The following RAPH1 variants were observed in gnomAD, a reference collection of about 807,000 sequenced individuals.
The protein encoded by RAPH1 is ras-associated and pleckstrin homology domains-containing protein 1.
RAPH1 carries 18 observed loss-of-function variants against 88.1 expected under a neutral mutation model. That is an observed-to-expected ratio of 0.20 (90% CI 0.14 to 0.30). The LOEUF is 0.30. Among genes scored for constraint, RAPH1 ranks in the 10% least tolerant of loss-of-function variants. RAPH1 has a pLI of 1.00. For synonymous variants in RAPH1, 587 were observed against 559.0 expected, an observed-to-expected ratio of 1.05 and a Z score of -0.71; for missense variants, 1,448 against 1,543.2, an observed-to-expected ratio of 0.94 and a Z score of 1.03.
chr2:203,476,964 T>C, intron 4 of RAPH1: 1 of 746,492 alleles, frequency 1.3e-6, no homozygotes. Flanking sequence ...TTAAGTTTGG[T>C]TTAATTTTTA....
chr2:203,494,457 T>C (rs1195940694), intron 2 of RAPH1, among the ~76,000 whole-genome samples: 2 of 152,042 alleles, frequency 1.3e-5, no homozygotes, highest in Admixed American at 1.3e-4. Context: ...TTTGCCACTG[T>C]TTTAAAATGC....
chr2:203,471,841 T>C (rs1365049720), intron 4 of RAPH1, among the ~76,000 whole-genome samples: 3 of 148,222 alleles, frequency 2.0e-5, no homozygotes, highest in Admixed American at 2.0e-4. Context: ...AAACCTAAGG[T>C]CCAATTTTTT....
rs1224367959 is a variant in RAPH1, at chr2:203,439,968, T to G, written c.3222A>C (p.Pro1074=). The change falls in exon 14 of 14, where the codon CCA becomes CCC. Residue 1074 remains proline (P), a synonymous_variant. Transcript: ENST00000319170. Reference sequence around the variant, plus strand: ...GAAGCTCTGTTTCAGGTGGAGGGGGTGGAAAATCAGAATCGGATGGAGGAG... The same window carrying G: ...GAAGCTCTGTTTCAGGTGGAGGGGGGGGAAAATCAGAATCGGATGGAGGAG... ...FPSPPSDSDF[P]PPPPETELPL... 1 of 1,612,228 alleles carries G rather than the reference T, an allele frequency of 6.2e-7. No individual in the cohort carries two copies. The highest frequency in any genetic ancestry group is 8.5e-7 in the Non-Finnish European group (1 of 1,179,594).
chr2:203,440,919 C>T lies in RAPH1; in HGVS notation c.2271G>A (p.Gln757=). ...GTGGGGGGGGTGTTGGGGGAGCCAC[C>T]TGAGTAATATGCTGAACTTGATGGA... is the stretch of plus-strand genomic sequence containing the variant. ...LKIHQVQHIT[Q]VAPPTPPPPP... Residue 757 remains glutamine, a synonymous_variant, in exon 14 of 14, where the codon CAG becomes CAA. Coordinates refer to ENST00000319170, the MANE Select transcript of RAPH1 (RefSeq NM_213589.3). 1 of 1,546,668 alleles carries T rather than the reference C, an allele frequency of 6.5e-7. No homozygotes were observed. Among genetic ancestry groups the T allele is most frequent in the Non-Finnish European group, 8.7e-7 (1 of 1,145,294 alleles).
intron 13 of RAPH1, chr2:203,441,744 G>A: frequency 3.1e-6 from 4 of 1,284,592 alleles, no homozygotes; most frequent in East Asian, 3.4e-5. Flanking sequence ...CTTTGACACA[G>A]CCTGCCCTAC....
chr2:203,533,948 G>A (rs1256673743), intron 1 of RAPH1, among the ~76,000 whole-genome samples: 2 of 152,130 alleles, frequency 1.3e-5, no homozygotes, highest in Non-Finnish European at 2.9e-5. Flanking sequence ...CACATTGCAA[G>A]CCAATTCCAG....
At chr2:203,482,237 G>GT (rs1214307002) in intron 4 of RAPH1, among the ~76,000 whole-genome samples, 1 of 152,056 alleles carries the variant, frequency 6.6e-6, no homozygotes, top group East Asian at 1.9e-4. Context: ...CCAGGCTGGA[G>GT]TACAGTGGCA....
intron 1 of RAPH1, among the ~76,000 whole-genome samples, chr2:203,514,033 G>C (rs952942794): frequency 1.3e-5 from 2 of 152,064 alleles, no homozygotes; most frequent in Non-Finnish European, 2.9e-5. Flanking sequence ...AATAGAGACA[G>C]GGTTTCATCA....
In RAPH1 at chr2:203,439,268, CTGTACAGCTGTGTGTACATGCACG is replaced by C; in HGVS notation, c.*145_*168del. 6.6e-6 allele frequency: 4 copies of C among 607,668 alleles called. No individual in the cohort carries two copies. Among genetic ancestry groups the C allele is most frequent in the Non-Finnish European group, 1.2e-5 (4 of 342,498 alleles). The allele number at this position is 607,668 out of a possible 1,614,324, so 37.6% of individuals were successfully genotyped here. A position where few individuals can be genotyped will look rare whatever the true frequency, so the allele number is the denominator to read the frequency against. ...ATATATGTATACATATATACACACACTGTACAGCTGTGTGTACATGCACGTGTACACACACACATACACATATAG... is the reference window on the plus strand; with the variant it reads ...ATATATGTATACATATATACACACACTGTACACACACACATACACATATAG... On this transcript the variant is annotated 3_prime_UTR_variant, in exon 14 of 14. Coordinates refer to ENST00000319170, the MANE Select transcript of RAPH1 (RefSeq NM_213589.3).
chr2:203,507,598 G>A (rs2105910993), intron 1 of RAPH1, among the ~76,000 whole-genome samples: 1 of 152,226 alleles, frequency 6.6e-6, no homozygotes, highest in Non-Finnish European at 1.5e-5. Context: ...AAAAAATGCA[G>A]TACCTGAATC....
chr2:203,472,102 T>G (rs1384677580), intron 4 of RAPH1, among the ~76,000 whole-genome samples: 1 of 151,130 alleles, frequency 6.6e-6, no homozygotes, highest in East Asian at 1.9e-4. Context: ...TTTGTAAGAG[T>G]AGCCATTCTT....
chr2:203,439,313 T>C lies in RAPH1; in HGVS notation c.*124A>G, dbSNP rs754313535. The C allele has an allele frequency of 1.7e-5, 14 of 836,394 alleles. No individual in the cohort carries two copies. The African/African-American group carries it at 1.7e-4, about 10-fold the overall frequency. The allele number at this position is 836,394 out of a possible 1,614,324, so 51.8% of individuals were successfully genotyped here. A position where few individuals can be genotyped will look rare whatever the true frequency, so the allele number is the denominator to read the frequency against. ...GCACGTGTACACACACACATACACA[T>C]ATAGCTGGACACTACCTGAATAACA... On this transcript the variant is annotated 3_prime_UTR_variant, in exon 14 of 14. Transcript: ENST00000319170.
At position 203,436,217 on chromosome 2, in the gene RAPH1, G is replaced by A. The variant is rs897721228; in HGVS notation, c.*3220C>T. The A allele has an allele frequency of 2.0e-5, 3 of 152,142 alleles. No homozygotes were observed. Among genetic ancestry groups the A allele is most frequent in the African/African-American group, 7.2e-5 (3 of 41,428 alleles). The allele number at this position is 152,142 out of a possible 1,614,324, so 9.4% of individuals were successfully genotyped here. A position where few individuals can be genotyped will look rare whatever the true frequency, so the allele number is the denominator to read the frequency against. On this transcript the variant is annotated 3_prime_UTR_variant, in exon 14 of 14. Coordinates refer to ENST00000319170, the MANE Select transcript of RAPH1 (RefSeq NM_213589.3). ...GGGTGGGAGCACCTAGATTTTAGAGGACTATAAAACGCCATGTTTACTTTG... is the reference window on the plus strand; with the variant it reads ...GGGTGGGAGCACCTAGATTTTAGAGAACTATAAAACGCCATGTTTACTTTG...
chr2:203,439,834 G>A lies in RAPH1; in HGVS notation c.3356C>T (p.Ala1119Val), dbSNP rs746453126. ...CCGTTTGGGTCGTGTGGGTGGAGGG[G>A]CCTTCTTCACTGACATTTTAGACCA... ...QQWSKMSVKKAPPPTRPKRND... is the reference protein window; with the variant it reads ...QQWSKMSVKKVPPPTRPKRND... The change falls in exon 14 of 14, where the codon GCC (alanine) becomes GTC (valine). Residue 1119 changes from alanine to valine, a missense_variant. Coordinates refer to ENST00000319170, the MANE Select transcript of RAPH1 (RefSeq NM_213589.3). 3.7e-6 allele frequency: 6 copies of A among 1,613,950 alleles called. No homozygotes were observed. The Admixed American group carries it at 5.0e-5, about 13-fold the overall frequency.
intron 4 of RAPH1, among the ~76,000 whole-genome samples, chr2:203,483,143 G>A (rs1474334048): frequency 1.3e-5 from 2 of 152,176 alleles, no homozygotes; most frequent in Non-Finnish European, 2.9e-5. Flanking sequence ...AGGGGTTTGG[G>A]CTATACCATG....
Position 203,437,966 on chromosome 2 carries a change from TAA to T in RAPH1, c.*1469_*1470del. 3.0e-6 allele frequency: 1 copy of T among 334,026 alleles called. No individual in the cohort carries two copies. Among genetic ancestry groups the T allele is most frequent in the Middle Eastern group, 8.1e-4 (1 of 1,238 alleles). The allele number at this position is 334,026 out of a possible 1,614,324, so 20.7% of individuals were successfully genotyped here. ...TTATTCCTAATAGTCCAATTTATCATAAGTTGATGAGAGTACTTATTTCTCTC... is the reference window on the plus strand; with the variant it reads ...TTATTCCTAATAGTCCAATTTATCATGTTGATGAGAGTACTTATTTCTCTC... On this transcript the variant is annotated 3_prime_UTR_variant, in exon 14 of 14. Transcript: ENST00000319170.
chr2:203,440,362 G>A lies in RAPH1; in HGVS notation c.2828C>T (p.Pro943Leu), dbSNP rs2098502379. The A allele has an allele frequency of 6.2e-7, 1 of 1,604,746 alleles. No individual in the cohort carries two copies. The highest frequency in any genetic ancestry group is 8.5e-7 in the Non-Finnish European group (1 of 1,174,420). Residue 943 changes from proline to leucine, a missense_variant, in exon 14 of 14, where the codon CCA becomes CTA. This residue lies in a region of RAPH1 where 935 missense variants were observed against 890.1 expected (regional missense o/e 1.05). Coordinates refer to ENST00000319170, the MANE Select transcript of RAPH1 (RefSeq NM_213589.3). ...SPVPAPPPPP[P>L]PTASPTPDKS... The stretch of plus-strand genomic sequence containing the variant: ...GTCAGGGGTAGGAGAAGCTGTGGGT[G>A]GAGGTGGTGGTGGTGGGGCTGGGAC...
chr2:203,461,542 G>T, intron 5 of RAPH1, 134 bp from the exon 6 acceptor site: 2 of 615,484 alleles, frequency 3.2e-6, no homozygotes, highest in Non-Finnish European at 5.1e-6. Context: ...ACTTCATTAT[G>T]CAAAAATATA....
rs1199348730 is a variant in RAPH1, at chr2:203,434,018, G to T, written c.*5419C>A. 6.8e-6 allele frequency: 1 copy of T among 147,824 alleles called. No homozygotes were observed. Among genetic ancestry groups the T allele is most frequent in the Non-Finnish European group, 1.5e-5 (1 of 67,614 alleles). The allele number at this position is 147,824 out of a possible 1,614,324, so 9.2% of individuals were successfully genotyped here. ...CATCCTCAGAAAAACATCCTCAGTA[G>T]TACTGAATATATCTCTCTCATATAT... On this transcript the variant is annotated 3_prime_UTR_variant, in exon 14 of 14. Coordinates refer to ENST00000319170, the MANE Select transcript of RAPH1 (RefSeq NM_213589.3).
Sources: allele counts gnomAD v4.1 joint callset (sites outside exome capture counted in the v4.1 genomes callset), GRCh38; gene constraint gnomAD v4.1.1; regional missense constraint gnomAD v4.1.1; transcripts MANE v1.5; gene names NCBI Gene and HGNC (gene_info 2026-07-23, HGNC 2026-07-21).